SNAP25: variants seen among roughly 807,000 people sequenced by gnomAD.
The protein encoded by SNAP25 is synaptosomal-associated protein 25.
In SNAP25, 3 loss-of-function variants were observed where a neutral mutation model predicts 28.7. The ratio of observed to expected loss-of-function variants is 0.10; its 90% CI spans 0.05 to 0.27. The LOEUF is 0.27. Ranked by LOEUF, SNAP25 falls within the 10% of genes least tolerant of loss-of-function variation. SNAP25 has a pLI of 1.00. For missense variants in SNAP25, 117 were observed against 278.7 expected, an observed-to-expected ratio of 0.42 and a Z score of 4.13; for synonymous variants, 61 against 88.1, an observed-to-expected ratio of 0.69 and a Z score of 1.72.
chr20:10,291,912 TGTA>T (rs1185059469), intron 4 of SNAP25, among the ~76,000 whole-genome samples: 1 of 152,248 alleles, frequency 6.6e-6, no homozygotes, highest in African/African-American at 2.4e-5. Context: ...TCATTGAACT[TGTA>T]GTTATCTCAA....
intron 1 of SNAP25, among the ~76,000 whole-genome samples, chr20:10,254,771 G>A (rs1475510478): frequency 6.6e-6 from 1 of 152,132 alleles, no homozygotes; most frequent in Non-Finnish European, 1.5e-5. Context: ...TTCCCCCAGG[G>A]CAAAGTGCTG....
At chr20:10,268,408 G>T (rs950339488) in intron 1 of SNAP25, among the ~76,000 whole-genome samples, 1 of 152,154 alleles carries the variant, frequency 6.6e-6, no homozygotes, top group Non-Finnish European at 1.5e-5. Context: ...ATATTTGTTA[G>T]TTTGGTTTAT....
intron 1 of SNAP25, among the ~76,000 whole-genome samples, chr20:10,220,838 T>C (rs915838082): frequency 6.6e-6 from 1 of 152,254 alleles, no homozygotes; most frequent in Non-Finnish European, 1.5e-5. Flanking sequence ...ATCTGTATGC[T>C]ACAGACACTA....
chr20:10,295,949 T>A (rs1032038572), intron 5 of SNAP25, among the ~76,000 whole-genome samples: 2 of 152,138 alleles, frequency 1.3e-5, no homozygotes, highest in Non-Finnish European at 2.9e-5. Context: ...AACCCCAGGA[T>A]AGTTTAAACT....
intron 1 of SNAP25, among the ~76,000 whole-genome samples, chr20:10,241,037 A>G (rs777889403): frequency 1.3e-5 from 2 of 152,334 alleles, no homozygotes; most frequent in East Asian, 1.9e-4. Flanking sequence ...CTGCGCTTCC[A>G]TGGAGCTGGG....
At chr20:10,262,321 G>C (rs2063427391) in intron 1 of SNAP25, among the ~76,000 whole-genome samples, 1 of 152,090 alleles carries the variant, frequency 6.6e-6, no homozygotes, top group Non-Finnish European at 1.5e-5. Context: ...GCCCTAGATT[G>C]GGACTTAAAG....
chr20:10,266,364 A>G (rs900626347), intron 1 of SNAP25, among the ~76,000 whole-genome samples: 2 of 152,218 alleles, frequency 1.3e-5, no homozygotes, highest in African/African-American at 2.4e-5. Flanking sequence ...CCCATTTTTG[A>G]TCATATTCCC....
At chr20:10,221,735 A>C (rs534686891) in intron 1 of SNAP25, among the ~76,000 whole-genome samples, 1 of 152,252 alleles carries the variant, frequency 6.6e-6, no homozygotes, top group Non-Finnish European at 1.5e-5. Context: ...TAGCTTGTCT[A>C]AAGATATTCC....
At chr20:10,233,086 A>G (rs1301861063) in intron 1 of SNAP25, among the ~76,000 whole-genome samples, 2 of 152,154 alleles carry the variant, frequency 1.3e-5, no homozygotes, top group Non-Finnish European at 2.9e-5. Context: ...ATAAAATCCA[A>G]ACAGTCCACA....
intron 1 of SNAP25, among the ~76,000 whole-genome samples, chr20:10,256,399 T>G (rs2063319143): frequency 2.0e-5 from 3 of 152,216 alleles, no homozygotes; most frequent in Admixed American, 2.0e-4. Flanking sequence ...GGGCTTTAAT[T>G]CTTTCCGTAT....
At chr20:10,292,102 G>C (rs531897675) in intron 4 of SNAP25, among the ~76,000 whole-genome samples, 106 of 152,248 alleles carry the variant, frequency 7.0e-4, no homozygotes, top group African/African-American at 2.5e-3. Context: ...TACTTCCAAA[G>C]AGACATTCAT....
At chr20:10,295,759 A>G (rs191121526) in intron 5 of SNAP25, among the ~76,000 whole-genome samples, 673 of 152,338 alleles carry the variant, frequency 4.4e-3, no homozygotes, top group Admixed American at 6.5e-3. Flanking sequence ...GGTTTCTACT[A>G]TGTAAAGAAC....
At chr20:10,236,987 A>AATAT (rs2062935415) in intron 1 of SNAP25, among the ~76,000 whole-genome samples, 1 of 151,840 alleles carries the variant, frequency 6.6e-6, no homozygotes. Flanking sequence ...TAAATAAATA[A>AATAT]ATAAATAAAG....
At position 10,275,485 on chromosome 20, in the gene SNAP25, C is replaced by A; in HGVS notation, c.-7C>A. 1 of 1,600,810 alleles carries A rather than the reference C, an allele frequency of 6.2e-7. No individual in the cohort carries two copies. Among genetic ancestry groups the A allele is most frequent in the Non-Finnish European group, 8.5e-7 (1 of 1,173,400 alleles). On this transcript the variant is annotated 5_prime_UTR_variant, in exon 2 of 8. Coordinates refer to ENST00000254976, the MANE Select transcript of SNAP25 (RefSeq NM_130811.4). Reference sequence around the variant, plus strand: ...GCCCAGGCGCCCAGCCACTCCCCACCGCTACCATGGCCGAAGACGCAGACA... The same window carrying A: ...GCCCAGGCGCCCAGCCACTCCCCACAGCTACCATGGCCGAAGACGCAGACA...
intron 1 of SNAP25, among the ~76,000 whole-genome samples, chr20:10,244,245 G>A (rs1317951260): frequency 6.6e-6 from 1 of 152,132 alleles, no homozygotes; most frequent in East Asian, 1.9e-4. Context: ...TTGTGTATCT[G>A]ATCTCTAGGG....
intron 1 of SNAP25, among the ~76,000 whole-genome samples, chr20:10,233,747 C>T (rs1003773953): frequency 1.3e-4 from 20 of 152,330 alleles, no homozygotes; most frequent in African/African-American, 3.6e-4. Flanking sequence ...CGTTCTCCCT[C>T]GACTTGTTCT....
At chr20:10,251,015 C>T (rs935596039) in intron 1 of SNAP25, among the ~76,000 whole-genome samples, 1 of 152,152 alleles carries the variant, frequency 6.6e-6, no homozygotes, top group Non-Finnish European at 1.5e-5. Flanking sequence ...CACCTAATGA[C>T]GCATTTCCTA....
chr20:10,272,429 A>G (rs965202908), intron 1 of SNAP25, among the ~76,000 whole-genome samples: 9 of 152,172 alleles, frequency 5.9e-5, no homozygotes, highest in Non-Finnish European at 1.3e-4. Context: ...ACTATGGTCC[A>G]TAGTCTACTC....
chr20:10,277,004 C>T (rs1465063185), intron 2 of SNAP25, among the ~76,000 whole-genome samples: 1 of 152,188 alleles, frequency 6.6e-6, no homozygotes, highest in Non-Finnish European at 1.5e-5. Context: ...AAAAGCAAAG[C>T]TTTGAGAAAT....
Sources: gnomAD v4.1 joint callset for allele counts (sites outside exome capture counted in the v4.1 genomes callset) on GRCh38, gnomAD v4.1.1 for gene constraint, MANE v1.5 for transcripts, NCBI Gene and HGNC (gene_info 2026-07-23, HGNC 2026-07-21) for gene names.